The following CEP128 variants were observed in gnomAD, a reference collection of about 807,000 sequenced individuals.
The protein encoded by CEP128 is centrosomal protein 128.
A neutral mutation model predicts 156.7 loss-of-function variants in CEP128; 132 were observed. That is an observed-to-expected ratio of 0.84 (90% CI 0.73 to 0.97). CEP128 has a LOEUF of 0.97. CEP128 is among the 50% of genes least tolerant of loss of function. CEP128 has a pLI of 0.00. For missense variants in CEP128, 1,252 were observed against 1,281.9 expected (o/e 0.98, Z 0.36); for synonymous variants, 469 against 448.9 (o/e 1.04, Z -0.57).
chr14:80,952,566 C>T (rs1298235261), intron 2 of CEP128, among the ~76,000 whole-genome samples: 1 of 151,944 alleles, frequency 6.6e-6, no homozygotes, highest in Non-Finnish European at 1.5e-5. Flanking sequence ...GGCCTCAAAT[C>T]AGTGACCTCA....
rs746699572 is a variant in CEP128, at chr14:80,685,617, C to T, written c.2806+57458G>A. Among the ~76,000 whole-genome samples the T allele has an allele frequency of 6.6e-5, 10 of 151,876 alleles. No homozygotes were observed. In the East Asian group the frequency reaches 9.7e-4, roughly 15 times the overall value. On this transcript the variant is annotated intron_variant, in intron 19 of 24. Coordinates refer to ENST00000555265, the MANE Select transcript of CEP128 (RefSeq NM_152446.5). ...ATTAAATATAAAAAAAATTCTAAAA[C>T]GCATATGGAACCAAAGCGAAGCCCA...
intron 8 of CEP128, among the ~76,000 whole-genome samples, chr14:80,885,547 G>A (rs1390569006): frequency 1.3e-5 from 2 of 152,164 alleles, no homozygotes; most frequent in African/African-American, 4.8e-5. Flanking sequence ...CTGACTGTGA[G>A]AAGGAAAACT....
chr14:80,783,188 A>G (rs1027446142), intron 15 of CEP128, among the ~76,000 whole-genome samples: 6 of 152,074 alleles, frequency 3.9e-5, no homozygotes, highest in Non-Finnish European at 8.8e-5. Context: ...AACAAACTAG[A>G]TTTACCACTG....
intron 19 of CEP128, among the ~76,000 whole-genome samples, chr14:80,716,392 T>G (rs1595273283): frequency 1.3e-5 from 2 of 152,304 alleles, no homozygotes; most frequent in Admixed American, 6.5e-5. Context: ...CAGTTATTTA[T>G]TTCATCTACC....
chr14:80,573,696 T>C (rs1464463229), intron 20 of CEP128, among the ~76,000 whole-genome samples: 1 of 152,142 alleles, frequency 6.6e-6, no homozygotes, highest in Non-Finnish European at 1.5e-5. Flanking sequence ...AATTGAAGGG[T>C]GTAAACCTAA....
chr14:80,529,651 A>G (rs1036737878), intron 22 of CEP128, among the ~76,000 whole-genome samples: 2 of 152,198 alleles, frequency 1.3e-5, no homozygotes, highest in Non-Finnish European at 2.9e-5. Context: ...CAGAGAAAAA[A>G]ATGAAAATAA....
intron 19 of CEP128, among the ~76,000 whole-genome samples, chr14:80,605,901 T>A (rs1350711930): frequency 6.6e-6 from 1 of 151,974 alleles, no homozygotes; most frequent in Non-Finnish European, 1.5e-5. Context: ...ACTACCCAAT[T>A]GGTAATAGAA....
At chr14:80,799,054 C>T (rs1429085818) in intron 13 of CEP128, among the ~76,000 whole-genome samples, 2 of 152,182 alleles carry the variant, frequency 1.3e-5, no homozygotes, top group Non-Finnish European at 2.9e-5. Flanking sequence ...TCAAAAGTCA[C>T]ATCTCTAGGA....
rs962961090 is a variant in CEP128 at position 80,935,320 on chromosome 14, G to A, written c.-16+4065C>T. ...AATCCCAGCACTTTTGGAGGCCAAG[G>A]TGGGTGGATCACTTGAGGTCAGGAG... On this transcript the variant is annotated intron_variant, in intron 2 of 24. Transcript: ENST00000555265. Among the ~76,000 whole-genome samples, 7 of 152,114 alleles carry A rather than the reference G, an allele frequency of 4.6e-5. 1 individual carries two copies.
At chr14:80,639,832 G>A (rs1894337355) in intron 19 of CEP128, among the ~76,000 whole-genome samples, 1 of 152,088 alleles carries the variant, frequency 6.6e-6, no homozygotes, top group Admixed American at 6.6e-5. Flanking sequence ...GAGTAAGAAG[G>A]TTGACTAGCA....
chr14:80,927,671 G>T (rs536223185), intron 2 of CEP128, among the ~76,000 whole-genome samples: 51 of 152,140 alleles, frequency 3.4e-4, no homozygotes, highest in Non-Finnish European at 5.6e-4. Context: ...CCACCAAAAA[G>T]ACCTCAGTGC....
chr14:80,854,189 A>G (rs1007106507), intron 9 of CEP128, among the ~76,000 whole-genome samples: 3 of 152,154 alleles, frequency 2.0e-5, no homozygotes, highest in Non-Finnish European at 4.4e-5. Flanking sequence ...AAGAATTATA[A>G]CCACTACTTC....
At chr14:80,694,812 A>C (rs2139328039) in intron 19 of CEP128, among the ~76,000 whole-genome samples, 1 of 152,056 alleles carries the variant, frequency 6.6e-6, no homozygotes, top group Admixed American at 6.6e-5. Context: ...GGGGCTTCAA[A>C]CCTAAATGAT....
At chr14:80,807,907 C>A (rs773527514) in intron 13 of CEP128, among the ~76,000 whole-genome samples, 2 of 152,182 alleles carry the variant, frequency 1.3e-5, no homozygotes, top group Non-Finnish European at 2.9e-5. Flanking sequence ...CAGCACAGAA[C>A]TGGCTGAACC....
chr14:80,615,919 A>G (rs1893192432), intron 19 of CEP128, among the ~76,000 whole-genome samples: 2 of 152,340 alleles, frequency 1.3e-5, no homozygotes, highest in South Asian at 4.1e-4. Context: ...AAGGCCCACC[A>G]GTGTACAAGA....
At chr14:80,794,875 A>G (rs1883372508) in intron 13 of CEP128, among the ~76,000 whole-genome samples, 1 of 152,196 alleles carries the variant, frequency 6.6e-6, no homozygotes, top group Admixed American at 6.5e-5. Flanking sequence ...TGAGATTTAA[A>G]AGAAAAGAAG....
At chr14:80,523,630 T>C (rs1888849440) in intron 23 of CEP128, among the ~76,000 whole-genome samples, 1 of 152,230 alleles carries the variant, frequency 6.6e-6, no homozygotes, top group Admixed American at 6.5e-5. Flanking sequence ...AAAAGGCAGA[T>C]ATTTTTGTTT....
At chr14:80,842,518 C>T (rs1328142399) in intron 9 of CEP128, among the ~76,000 whole-genome samples, 1 of 151,868 alleles carries the variant, frequency 6.6e-6, no homozygotes, top group Non-Finnish European at 1.5e-5. Flanking sequence ...CAATGATGCA[C>T]CTGTAAACAC....
intron 14 of CEP128, among the ~76,000 whole-genome samples, chr14:80,480,943 C>A (rs1887039701): frequency 2.0e-5 from 3 of 152,204 alleles, no homozygotes; most frequent in South Asian, 4.1e-4. Flanking sequence ...AAATTGCTAT[C>A]ATCATTTTGG....
Sources: allele counts gnomAD v4.1 joint callset (sites outside exome capture counted in the v4.1 genomes callset), GRCh38; gene constraint gnomAD v4.1.1; transcripts MANE v1.5; gene names NCBI Gene and HGNC (gene_info 2026-07-23, HGNC 2026-07-21).